Variants in DESI2 observed in about 807,000 individuals in gnomAD.
The protein encoded by DESI2 is desumoylating isopeptidase 2, also known as deubiquitinase DESI2.
DESI2 carries 10 observed loss-of-function variants against 24.1 expected under a neutral mutation model. That is an observed-to-expected ratio of 0.41 (90% confidence interval 0.26 to 0.70). The LOEUF is 0.70. DESI2 is among the 30% of genes least tolerant of loss of function. The probability of loss-of-function intolerance (pLI) is 0.29; values close to 1 mark genes in which losing one functional copy is unlikely to be tolerated. For synonymous variants in DESI2, 71 were observed against 87.7 expected (o/e 0.81, Z 1.06); for missense variants, 122 against 234.9 (o/e 0.52, Z 3.14).
chr1:244,654,414 C>T lies in DESI2; in HGVS notation c.42+1059C>T, dbSNP rs116247057. Reference sequence around the variant, plus strand: ...CTTATACAGTTCTAAACTTTGTATTCCCTTGTATTATTTATAAGTTTCTAA... The same window carrying T: ...CTTATACAGTTCTAAACTTTGTATTTCCTTGTATTATTTATAAGTTTCTAA... On this transcript the variant is annotated intron_variant, in intron 1 of 4. Coordinates refer to ENST00000302550, the MANE Select transcript of DESI2 (RefSeq NM_016076.5). Among the ~76,000 whole-genome samples the T allele has an allele frequency of 6.1e-3, 926 of 152,200 alleles. 10 individuals are homozygous for T. Among genetic ancestry groups the T allele is most frequent in the African/African-American group, 0.021 (878 of 41,522 alleles).
In DESI2 at chr1:244,701,707, T is replaced by C. The variant is rs111604084; in HGVS notation, c.352-3849T>C. On this transcript the variant is annotated intron_variant, in intron 4 of 4. Transcript: ENST00000302550. ...TTATTCTCTGCCTGTTCCACTATTA[T>C]ATTTTGGGAGCATCCTATATATGCT... Among the ~76,000 whole-genome samples, 553 of 152,352 alleles carry C rather than the reference T, an allele frequency of 3.6e-3. 2 individuals carry two copies. Among genetic ancestry groups the C allele is most frequent in the African/African-American group, 0.013 (528 of 41,574 alleles).
At chr1:244,677,440 A>G (rs1676449916) in intron 1 of DESI2, among the ~76,000 whole-genome samples, 4 of 152,228 alleles carry the variant, frequency 2.6e-5, no homozygotes, top group Admixed American at 2.6e-4. Flanking sequence ...TTAACTTTAC[A>G]AAGAAATTAA....
chr1:244,655,763 A>C (rs929792453), intron 1 of DESI2, among the ~76,000 whole-genome samples: 1 of 152,236 alleles, frequency 6.6e-6, no homozygotes, highest in African/African-American at 2.4e-5. Context: ...AATGGCAGGA[A>C]TAGGGAAAGC....
chr1:244,678,838 T>G (rs1676503132), intron 1 of DESI2, among the ~76,000 whole-genome samples: 1 of 152,152 alleles, frequency 6.6e-6, no homozygotes, highest in Non-Finnish European at 1.5e-5. Flanking sequence ...CAGAAACCTT[T>G]TGGTGCTGTC....
intron 1 of DESI2, among the ~76,000 whole-genome samples, chr1:244,663,186 T>C (rs901725218): frequency 2.0e-5 from 3 of 152,016 alleles, no homozygotes; most frequent in African/African-American, 7.2e-5. Flanking sequence ...CTTGCAGTTT[T>C]TTTTTTTCCT....
chr1:244,694,447 C>A, intron 4 of DESI2: 1 of 763,774 alleles, frequency 1.3e-6, no homozygotes, highest in African/African-American at 1.7e-5. Flanking sequence ...GAACTGGATG[C>A]TGCAGCAGCT....
intron 4 of DESI2, among the ~76,000 whole-genome samples, chr1:244,695,620 T>C (rs1347674640): frequency 6.6e-6 from 1 of 152,022 alleles, no homozygotes; most frequent in Non-Finnish European, 1.5e-5. Flanking sequence ...GCTGTTGCAC[T>C]CCATCCTGGG....
At chr1:244,700,863 GAAGGTT>G (rs1391780228) in intron 4 of DESI2, among the ~76,000 whole-genome samples, 1 of 152,190 alleles carries the variant, frequency 6.6e-6, no homozygotes, top group African/African-American at 2.4e-5. Flanking sequence ...TATGAGTATA[GAAGGTT>G]AAGGTTTTTT....
chr1:244,679,618 C>T (rs1369004251), intron 1 of DESI2, among the ~76,000 whole-genome samples: 4 of 152,202 alleles, frequency 2.6e-5, no homozygotes, highest in Admixed American at 2.6e-4. Context: ...CGCCTGTAAT[C>T]CCAGCACTTT....
chr1:244,674,621 T>C (rs1676354473), intron 1 of DESI2, among the ~76,000 whole-genome samples: 1 of 152,270 alleles, frequency 6.6e-6, no homozygotes, highest in Admixed American at 6.5e-5. Context: ...TGTGGTCTTT[T>C]GTGATTGGCT....
At chr1:244,675,046 A>G (rs763979013) in intron 1 of DESI2, among the ~76,000 whole-genome samples, 8 of 152,180 alleles carry the variant, frequency 5.3e-5, no homozygotes, top group South Asian at 2.1e-4. Flanking sequence ...GATTATAGTC[A>G]TCTGAGTAGG....
At chr1:244,683,217 A>G (rs1676680062) in intron 1 of DESI2, among the ~76,000 whole-genome samples, 1 of 152,198 alleles carries the variant, frequency 6.6e-6, no homozygotes, top group Non-Finnish European at 1.5e-5. Flanking sequence ...GCTGAACTGA[A>G]TTAGCAAGAT....
intron 1 of DESI2, among the ~76,000 whole-genome samples, chr1:244,671,853 C>T (rs1177340988): frequency 6.6e-6 from 1 of 152,190 alleles, no homozygotes; most frequent in Non-Finnish European, 1.5e-5. Context: ...TGGTATCCTA[C>T]AAAAGCATGA....
At chr1:244,653,786 C>T in intron 1 of DESI2, 1 of 368,420 alleles carries the variant, frequency 2.7e-6, no homozygotes, top group Non-Finnish European at 5.4e-6. Flanking sequence ...CCGTCTCTCT[C>T]CATGGCTACG....
chr1:244,663,288 T>C (rs1231927025), intron 1 of DESI2, among the ~76,000 whole-genome samples: 1 of 152,084 alleles, frequency 6.6e-6, no homozygotes. Flanking sequence ...GCCATTCTTC[T>C]GCCTCAGTCT....
In DESI2 at chr1:244,708,768, T is replaced by C. The variant is rs1558142364; in HGVS notation, c.*2979T>C. 6.5e-6 allele frequency: 1 copy of C among 152,676 alleles called. No individual in the cohort carries two copies. Among genetic ancestry groups the C allele is most frequent in the African/African-American group, 2.4e-5 (1 of 41,480 alleles). 9.5% of individuals were successfully genotyped at this position (152,676 alleles called of 1,614,324 possible). A position where few individuals can be genotyped will look rare whatever the true frequency, so the allele number is the denominator to read the frequency against. ...GTATCTCTTTCTCTTCAGTATGGTT[T>C]AGAGCCCAGATCAGTTAGTAGGCTT... On this transcript the variant is annotated 3_prime_UTR_variant, in exon 5 of 5. Transcript: ENST00000302550.
At chr1:244,661,805 A>C (rs1057381805) in intron 1 of DESI2, among the ~76,000 whole-genome samples, 2 of 152,148 alleles carry the variant, frequency 1.3e-5, no homozygotes, top group Non-Finnish European at 2.9e-5. Context: ...AATCCAGTCT[A>C]TCATTGATGG....
intron 4 of DESI2, among the ~76,000 whole-genome samples, chr1:244,693,902 T>A (rs1677114588): frequency 6.6e-6 from 1 of 152,192 alleles, no homozygotes; most frequent in South Asian, 2.1e-4. Context: ...CTCTTGCCGA[T>A]TGTGAAATGT....
At chr1:244,701,956 C>G (rs1432364474) in intron 4 of DESI2, among the ~76,000 whole-genome samples, 4 of 152,152 alleles carry the variant, frequency 2.6e-5, no homozygotes, top group Non-Finnish European at 5.9e-5. Context: ...ATTTTTACCA[C>G]TATATGTGTA....
Sources: allele counts gnomAD v4.1 joint callset (sites outside exome capture counted in the v4.1 genomes callset), GRCh38; gene constraint gnomAD v4.1.1; transcripts MANE v1.5; gene names NCBI Gene and HGNC (gene_info 2026-07-23, HGNC 2026-07-21).